The following RGS6 variants were observed in gnomAD, a reference collection of about 807,000 sequenced individuals.
RGS6 encodes the protein regulator of G-protein signaling 6.
Under a neutral mutation model 78.5 loss-of-function variants are expected in RGS6, and 30 were observed. The ratio of observed to expected loss-of-function variants is 0.38; its 90% CI spans 0.29 to 0.52. The LOEUF is 0.52. Among genes scored for constraint, RGS6 ranks in the 20% least tolerant of loss-of-function variants. The pLI, the probability that RGS6 is intolerant of heterozygous loss-of-function variation, is 0.85. For synonymous variants in RGS6, 206 were observed against 206.0 expected (o/e 1.00, Z 0.00); for missense variants, 495 against 609.7 (o/e 0.81, Z 1.98).
At chr14:71,913,337 C>T in the RGS6 span, among the ~76,000 whole-genome samples, 21 of 152,224 alleles carry the variant, frequency 1.4e-4, no homozygotes, top group Non-Finnish European at 7.3e-5. Context: ...CTTCTCCCTC[C>T]CTTCTGCAGA....
chr14:71,997,893 G>T (rs2082695755), intron 2 of RGS6, among the ~76,000 whole-genome samples: 1 of 152,138 alleles, frequency 6.6e-6, no homozygotes, highest in Non-Finnish European at 1.5e-5. Flanking sequence ...TTTAAAGAAG[G>T]GATTTCCTAG....
At chr14:72,436,451 A>G (rs1028649052) in intron 3 of RGS6, among the ~76,000 whole-genome samples, 2 of 152,190 alleles carry the variant, frequency 1.3e-5, no homozygotes, top group African/African-American at 4.8e-5. Context: ...CAGTATGTTT[A>G]TCATTTATTG....
intron 1 of RGS6, among the ~76,000 whole-genome samples, chr14:71,951,146 T>C (rs772945903): frequency 6.6e-6 from 1 of 152,074 alleles, no homozygotes; most frequent in African/African-American, 2.4e-5. Context: ...AGCAAATACA[T>C]GGAATCAACC....
chr14:72,534,291 A>G (rs2097217562), intron 15 of RGS6, among the ~76,000 whole-genome samples: 1 of 152,218 alleles, frequency 6.6e-6, no homozygotes, highest in African/African-American at 2.4e-5. Context: ...TTCAGACATA[A>G]TGTTATTGCA....
At chr14:72,458,977 G>A (rs1156486765) in intron 5 of RGS6, among the ~76,000 whole-genome samples, 1 of 152,192 alleles carries the variant, frequency 6.6e-6, no homozygotes, top group Non-Finnish European at 1.5e-5. Context: ...ATTCTGAAGA[G>A]CACACTTTAG....
chr14:71,875,499 A>C, the RGS6 span, among the ~76,000 whole-genome samples: 3 of 152,128 alleles, frequency 2.0e-5, no homozygotes, highest in South Asian at 6.2e-4. Context: ...TATCCCCTTT[A>C]TCATTTTTTA....
At chr14:72,223,410 G>A (rs1046526364) in intron 2 of RGS6, among the ~76,000 whole-genome samples, 2 of 152,166 alleles carry the variant, frequency 1.3e-5, no homozygotes, top group African/African-American at 2.4e-5. Flanking sequence ...CTAATAGGGC[G>A]TATTAAAATT....
At chr14:72,167,331 A>T (rs1043067431) in intron 2 of RGS6, among the ~76,000 whole-genome samples, 1 of 152,348 alleles carries the variant, frequency 6.6e-6, no homozygotes, top group South Asian at 2.1e-4. Context: ...GAGAGACTCT[A>T]CTGGCAAGAC....
intron 2 of RGS6, among the ~76,000 whole-genome samples, chr14:72,173,606 C>G (rs1447337685): frequency 1.3e-5 from 2 of 152,146 alleles, no homozygotes; most frequent in Admixed American, 1.3e-4. Flanking sequence ...TCTTCCGTCC[C>G]TCTCCAATAA....
At chr14:72,274,289 A>C (rs2060355749) in intron 2 of RGS6, among the ~76,000 whole-genome samples, 1 of 152,156 alleles carries the variant, frequency 6.6e-6, no homozygotes, top group Non-Finnish European at 1.5e-5. Flanking sequence ...AGAGTCTATT[A>C]GGTCTGGTGG....
intron 2 of RGS6, among the ~76,000 whole-genome samples, chr14:72,246,635 C>T (rs1225122666): frequency 5.3e-5 from 8 of 152,048 alleles, no homozygotes; most frequent in Non-Finnish European, 7.4e-5. Flanking sequence ...GAAGGCTTGG[C>T]GCAGTGGCTC....
chr14:72,402,493 A>G (rs1032042365), intron 3 of RGS6, among the ~76,000 whole-genome samples: 16 of 152,228 alleles, frequency 1.1e-4, no homozygotes, highest in African/African-American at 2.7e-4. Flanking sequence ...GCCAAGAGGT[A>G]TATGAAAAAA....
In RGS6 at chr14:72,532,795, A is replaced by G. The variant is rs565289119; in HGVS notation, c.1279-3391A>G. On this transcript the variant is annotated intron_variant, in intron 15 of 17. Coordinates refer to ENST00000553525, the MANE Select transcript of RGS6 (RefSeq NM_001204424.2). ...CAAGGACCTACCTTGCTTCAATTCT[A>G]TGAAGGCTGAAAGAGGTGAGGAAGC... is the stretch of plus-strand genomic sequence containing the variant. Among the ~76,000 whole-genome samples, 100 of 152,364 alleles carry G rather than the reference A, an allele frequency of 6.6e-4. 1 individual carries two copies. Among genetic ancestry groups the G allele is most frequent in the Non-Finnish European group, 1.2e-3 (83 of 68,030 alleles).
the RGS6 span, among the ~76,000 whole-genome samples, chr14:72,630,027 G>T: frequency 6.6e-6 from 1 of 152,156 alleles, no homozygotes; most frequent in Non-Finnish European, 1.5e-5. Context: ...CAGAGAGAAC[G>T]AGAGAGGAAA....
chr14:72,426,149 C>T (rs2094427404), intron 3 of RGS6, among the ~76,000 whole-genome samples: 1 of 152,134 alleles, frequency 6.6e-6, no homozygotes, highest in Non-Finnish European at 1.5e-5. Flanking sequence ...ACCAAGTGAT[C>T]TAAGCTATAT....
intron 2 of RGS6, among the ~76,000 whole-genome samples, chr14:72,146,560 C>T (rs543782502): frequency 1.3e-5 from 2 of 152,106 alleles, no homozygotes; most frequent in Admixed American, 1.3e-4. Flanking sequence ...ATTTTTGATA[C>T]AATGGTGAGA....
intron 3 of RGS6, among the ~76,000 whole-genome samples, chr14:72,389,800 C>T (rs1383739373): frequency 2.0e-5 from 3 of 152,168 alleles, no homozygotes; most frequent in East Asian, 3.8e-4. Flanking sequence ...AGCTTATTTT[C>T]GAGTTTGAAT....
At chr14:72,049,812 T>G (rs1035734922) in intron 2 of RGS6, among the ~76,000 whole-genome samples, 33 of 152,240 alleles carry the variant, frequency 2.2e-4, no homozygotes, top group African/African-American at 8.0e-4. Flanking sequence ...AAAGCACTTG[T>G]AATTTTATCT....
In RGS6 at chr14:72,457,563, G is replaced by A. The variant is rs181330319; in HGVS notation, c.236-708G>A. Among the ~76,000 whole-genome samples, 22 of 152,202 alleles carry A rather than the reference G, an allele frequency of 1.4e-4. No homozygotes were observed. The East Asian group carries it at 3.7e-3, about 25-fold the overall frequency. On this transcript the variant is annotated intron_variant, in intron 4 of 17. Coordinates refer to ENST00000553525, the MANE Select transcript of RGS6 (RefSeq NM_001204424.2). Reference sequence around the variant, plus strand: ...ATCCGCCTGCCTCTGGATTACAGGCGTGAGCCACCATGCCCGACCTATATT... The same window carrying A: ...ATCCGCCTGCCTCTGGATTACAGGCATGAGCCACCATGCCCGACCTATATT...
Sources: gnomAD v4.1 joint callset for allele counts (sites outside exome capture counted in the v4.1 genomes callset) on GRCh38, gnomAD v4.1.1 for gene constraint, MANE v1.5 for transcripts, NCBI Gene and HGNC (gene_info 2026-07-23, HGNC 2026-07-21) for gene names.